Variants in SAMD5 observed in about 807,000 individuals in gnomAD.
The protein encoded by SAMD5 is sterile alpha motif domain-containing protein 5.
SAMD5 carries 13 observed loss-of-function variants against 11.3 expected under a neutral mutation model. The observed-to-expected ratio is 1.15, with a 90% CI of 0.75 to 1.83. The LOEUF is 1.83. Among genes scored for constraint, SAMD5 ranks in the 40% most tolerant of loss-of-function variants. SAMD5 has a pLI of 0.00. For synonymous variants in SAMD5, 129 were observed against 111.3 expected, an observed-to-expected ratio of 1.16 and a Z score of -1.00; for missense variants, 255 against 239.1, an observed-to-expected ratio of 1.07 and a Z score of -0.44.
the SAMD5 span, among the ~76,000 whole-genome samples, chr6:147,909,067 G>A: frequency 2.6e-5 from 4 of 152,208 alleles, no homozygotes; most frequent in Admixed American, 6.5e-5. Context: ...AAAATTAGCC[G>A]GCATGGTGGT....
Position 147,587,700 on chromosome 6 carries a change from C to T in SAMD5, c.162+78313C>T, listed in dbSNP as rs1247396034. On this transcript the variant is annotated intron_variant, in intron 1 of 1. Transcript: ENST00000566741. ...TATGCTTTTCTGGCTGGTGAATTTACTATAGAGTTACTTTTTCTCCTGCAG... is the reference window on the plus strand; with the variant it reads ...TATGCTTTTCTGGCTGGTGAATTTATTATAGAGTTACTTTTTCTCCTGCAG... Among the ~76,000 whole-genome samples the T allele has an allele frequency of 1.3e-5, 2 of 152,124 alleles. 1 individual carries two copies. Among genetic ancestry groups the T allele is most frequent in the Non-Finnish European group, 2.9e-5 (2 of 68,032 alleles).
chr6:147,634,232 A>G (rs536256105), intron 1 of SAMD5, among the ~76,000 whole-genome samples: 2 of 152,222 alleles, frequency 1.3e-5, no homozygotes, highest in Non-Finnish European at 2.9e-5. Flanking sequence ...CAGGCTGTAC[A>G]GGAAGTATAG....
the SAMD5 span, among the ~76,000 whole-genome samples, chr6:147,903,931 T>G: frequency 6.6e-5 from 10 of 151,694 alleles, no homozygotes; most frequent in Non-Finnish European, 1.5e-4. Context: ...AAAAATCTTC[T>G]AAGATCACTT....
chr6:147,666,394 C>T (rs1523965), intron 1 of SAMD5, among the ~76,000 whole-genome samples: 81,467 of 152,094 alleles, frequency 0.54, 25,159 homozygotes, highest in Non-Finnish European at 0.68. Flanking sequence ...ATTCCCAAAA[C>T]GACTTCATTC....
In SAMD5 at chr6:147,567,773, G is replaced by T. The variant is rs1174993976; in HGVS notation, c.*3317G>T. On this transcript the variant is annotated 3_prime_UTR_variant, in exon 2 of 2. Coordinates refer to ENST00000367474, the MANE Select transcript of SAMD5 (RefSeq NM_001030060.3). ...TCATTGCCTGAAACCCACTGAATAA[G>T]TCCCCTTTGATTTCTCTCAGGAAGG... 1.7e-5 allele frequency: 17 copies of T among 985,312 alleles called. No homozygotes were observed. In the East Asian group the frequency reaches 1.8e-3, roughly 105 times the overall value. The allele number at this position is 985,312 out of a possible 1,614,324, so 61.0% of individuals were successfully genotyped here.
At chr6:147,717,746 G>T (rs1791488804) in intron 1 of SAMD5, among the ~76,000 whole-genome samples, 1 of 152,178 alleles carries the variant, frequency 6.6e-6, no homozygotes, top group Non-Finnish European at 1.5e-5. Context: ...GGAGGCTGAG[G>T]CAGGAAGAAT....
the SAMD5 span, among the ~76,000 whole-genome samples, chr6:147,921,274 A>AACACACACACACACACACACACAC: frequency 1.4e-5 from 2 of 140,978 alleles, no homozygotes; most frequent in African/African-American, 2.7e-5. Context: ...GAGAGTATAA[A>AACACACACACACACACACACACAC]ACACACACAC....
intron 1 of SAMD5, among the ~76,000 whole-genome samples, chr6:147,668,938 T>C (rs1368026209): frequency 6.6e-6 from 1 of 152,222 alleles, no homozygotes; most frequent in Admixed American, 6.5e-5. Context: ...AAAAATACTT[T>C]TTGTCAAAAA....
the SAMD5 span, among the ~76,000 whole-genome samples, chr6:147,925,008 A>C: frequency 1.3e-4 from 20 of 152,162 alleles, no homozygotes; most frequent in African/African-American, 4.8e-4. Context: ...CTAAACAAAA[A>C]ATTTTTGAAA....
At chr6:147,767,012 GTAA>G in the SAMD5 span, among the ~76,000 whole-genome samples, 1 of 152,050 alleles carries the variant, frequency 6.6e-6, no homozygotes, top group Admixed American at 6.6e-5. Context: ...GAAAGGAAAG[GTAA>G]TAATAGGATG....
downstream of SAMD5, chr6:147,737,586 C>T (rs1475497337): frequency 6.3e-6 from 1 of 159,144 alleles, no homozygotes; most frequent in Non-Finnish European, 1.4e-5. Context: ...ATCCTTAGAA[C>T]TGAAGTTTTA....
chr6:147,670,385 A>G (rs1213728052), intron 1 of SAMD5, among the ~76,000 whole-genome samples: 1 of 152,242 alleles, frequency 6.6e-6, no homozygotes, highest in Non-Finnish European at 1.5e-5. Flanking sequence ...AGTCCCTAAC[A>G]AGAGAATCAG....
the SAMD5 span, among the ~76,000 whole-genome samples, chr6:147,809,298 T>C: frequency 1.3e-5 from 2 of 152,172 alleles, no homozygotes; most frequent in African/African-American, 4.8e-5. Context: ...AAGACAGTTC[T>C]GAGACACAGT....
the SAMD5 span, among the ~76,000 whole-genome samples, chr6:147,938,449 T>C: frequency 6.6e-6 from 1 of 152,186 alleles, no homozygotes; most frequent in Non-Finnish European, 1.5e-5. Context: ...TCTACACTCA[T>C]GGAGTTTATA....
chr6:147,782,958 T>C, the SAMD5 span, among the ~76,000 whole-genome samples: 1 of 152,198 alleles, frequency 6.6e-6, no homozygotes, highest in African/African-American at 2.4e-5. Context: ...GTGTCTGTAA[T>C]TGAAGTCTAA....
chr6:147,782,142 A>G, the SAMD5 span, among the ~76,000 whole-genome samples: 10 of 151,928 alleles, frequency 6.6e-5, 1 homozygote, highest in African/African-American at 2.4e-4. Context: ...AGGAAAAAAA[A>G]AAAAAACTAA....
chr6:147,646,752 AC>A (rs1398808831), intron 1 of SAMD5, among the ~76,000 whole-genome samples: 4 of 152,124 alleles, frequency 2.6e-5, no homozygotes, highest in African/African-American at 9.7e-5. Context: ...ACTTTGGGTT[AC>A]CATAGAAAAT....
intron 1 of SAMD5, among the ~76,000 whole-genome samples, chr6:147,533,664 C>A (rs1788464961): frequency 6.6e-6 from 1 of 151,888 alleles, no homozygotes; most frequent in Admixed American, 6.6e-5. Flanking sequence ...TCTCCCCCTT[C>A]CTCCTCCTCC....
At chr6:147,657,590 A>G (rs1790589208) in intron 1 of SAMD5, among the ~76,000 whole-genome samples, 1 of 152,212 alleles carries the variant, frequency 6.6e-6, no homozygotes, top group Non-Finnish European at 1.5e-5. Flanking sequence ...ACAAAATACC[A>G]TGAATCAGGT....
Sources: gnomAD v4.1 joint callset for allele counts (sites outside exome capture counted in the v4.1 genomes callset) on GRCh38, gnomAD v4.1.1 for gene constraint, MANE v1.5 for transcripts, NCBI Gene and HGNC (gene_info 2026-07-23, HGNC 2026-07-21) for gene names.